Variants in KLHL3 observed in about 807,000 individuals in gnomAD.
KLHL3 encodes the protein kelch-like protein 3.
A neutral mutation model predicts 70.5 loss-of-function variants in KLHL3; 19 were observed. That is an observed-to-expected ratio of 0.27 (90% confidence interval 0.19 to 0.40). KLHL3 has a LOEUF of 0.40. Ranked by LOEUF, KLHL3 falls within the 10% of genes least tolerant of loss-of-function variation. The pLI is 1.00. For missense variants in KLHL3, 512 were observed against 771.1 expected (o/e 0.66, Z 3.98); for synonymous variants, 258 against 290.3 (o/e 0.89, Z 1.13).
intron 8 of KLHL3, among the ~76,000 whole-genome samples, chr5:137,651,238 C>G (rs1290505865): frequency 6.6e-6 from 1 of 152,202 alleles, no homozygotes; most frequent in Non-Finnish European, 1.5e-5. Context: ...ATGGAACCTA[C>G]AGTTGCGTAG....
At chr5:137,638,920 C>T (rs1561586124) in intron 10 of KLHL3, 33 bp downstream of exon 10, 3 of 1,599,198 alleles carry the variant, frequency 1.9e-6, no homozygotes, top group South Asian at 1.1e-5. Flanking sequence ...GTGTCCCAGG[C>T]TAGGAGGGGT....
At chr5:137,722,758 C>T (rs1020758518) in intron 1 of KLHL3, among the ~76,000 whole-genome samples, 16 of 152,020 alleles carry the variant, frequency 1.1e-4, no homozygotes, top group Non-Finnish European at 2.4e-4. Context: ...CCTCCGCCTC[C>T]TGGGTTCAAG....
chr5:137,670,410 C>T (rs1471693517), intron 6 of KLHL3, among the ~76,000 whole-genome samples: 1 of 151,172 alleles, frequency 6.6e-6, no homozygotes, highest in Non-Finnish European at 1.5e-5. Flanking sequence ...CTGGGACAAC[C>T]AATGAAAGGT....
At chr5:137,631,069 C>CAAAAAAAAAAAA (rs70979549) in intron 12 of KLHL3, among the ~76,000 whole-genome samples, 1 of 105,782 alleles carries the variant, frequency 9.5e-6, no homozygotes, top group Non-Finnish European at 1.9e-5. Flanking sequence ...TCCAAAAATA[C>CAAAAAAAAAAAA]AAAAAAAAAA....
intron 6 of KLHL3, among the ~76,000 whole-genome samples, chr5:137,662,455 C>A (rs1336493696): frequency 1.3e-5 from 2 of 152,136 alleles, no homozygotes; most frequent in African/African-American, 4.8e-5. Flanking sequence ...TCTCCCCATG[C>A]CCCCGTTTCC....
intron 2 of KLHL3, 124 bp downstream of exon 2, chr5:137,720,341 C>A: frequency 2.6e-6 from 3 of 1,158,268 alleles, no homozygotes; most frequent in South Asian, 1.5e-5. Context: ...ACTCAAGTGA[C>A]TAAGAATGGA....
chr5:137,630,677 CTTA>C (rs1750612028), intron 12 of KLHL3, among the ~76,000 whole-genome samples: 1 of 152,180 alleles, frequency 6.6e-6, no homozygotes, highest in African/African-American at 2.4e-5. Context: ...CGACTTGGTT[CTTA>C]GGGAACACCT....
chr5:137,637,538 C>T (rs1030044981), intron 10 of KLHL3, 143 bp from the exon 11 acceptor site: 21 of 663,778 alleles, frequency 3.2e-5, no homozygotes, highest in Middle Eastern at 2.7e-4. Flanking sequence ...CATCACCATG[C>T]GGCCTGTGGC....
intron 7 of KLHL3, 53 bp downstream of exon 7, chr5:137,661,862 T>A (rs769918330): frequency 1.1e-5 from 11 of 1,003,508 alleles, no homozygotes; most frequent in African/African-American, 4.8e-5. Context: ...CCATTGCTAT[T>A]CCTACAGGTC....
intron 2 of KLHL3, among the ~76,000 whole-genome samples, chr5:137,717,115 C>T (rs1317687151): frequency 6.6e-6 from 1 of 152,204 alleles, no homozygotes; most frequent in Non-Finnish European, 1.5e-5. Flanking sequence ...TGCCTGCCTG[C>T]CCCAGGTCCA....
intron 1 of KLHL3, among the ~76,000 whole-genome samples, chr5:137,733,642 A>T (rs1753214915): frequency 6.6e-6 from 1 of 152,266 alleles, no homozygotes; most frequent in South Asian, 2.1e-4. Flanking sequence ...TTTCCAAGAT[A>T]AAGTAGAATT....
At chr5:137,680,539 A>G (rs528716888) in intron 5 of KLHL3, among the ~76,000 whole-genome samples, 4 of 150,210 alleles carry the variant, frequency 2.7e-5, no homozygotes, top group Non-Finnish European at 4.4e-5. Flanking sequence ...GAGCAGCAAC[A>G]CTTTTTCTTT....
At chr5:137,670,971 CA>C (rs35273673) in intron 6 of KLHL3, among the ~76,000 whole-genome samples, 79,723 of 131,290 alleles carry the variant, frequency 0.61, 23,354 homozygotes, top group East Asian at 0.93. Context: ...GACTCCACCT[CA>C]AAAAAAAAAA....
intron 6 of KLHL3, chr5:137,671,841 G>A (rs899763151): frequency 1.3e-5 from 2 of 152,110 alleles, no homozygotes; most frequent in Admixed American, 6.5e-5. Flanking sequence ...GGGGGTTCTG[G>A]GGTTTGTTTC....
intron 3 of KLHL3, among the ~76,000 whole-genome samples, chr5:137,701,668 T>C (rs940588556): frequency 2.0e-4 from 30 of 152,338 alleles, no homozygotes; most frequent in African/African-American, 5.0e-4. Context: ...TCTCTTGACA[T>C]CTCATAATTC....
At chr5:137,671,544 C>T (rs1309665024) in intron 6 of KLHL3, among the ~76,000 whole-genome samples, 2 of 152,166 alleles carry the variant, frequency 1.3e-5, no homozygotes, top group East Asian at 3.9e-4. Flanking sequence ...CAGACACACA[C>T]AGCTTCACAT....
At chr5:137,631,210 A>C (rs563753751) in intron 12 of KLHL3, among the ~76,000 whole-genome samples, 1 of 152,282 alleles carries the variant, frequency 6.6e-6, no homozygotes, top group South Asian at 2.1e-4. Context: ...AGGAACCAGC[A>C]GTAAAGAGCC....
At chr5:137,638,815 A>C (rs1750833519) in intron 10 of KLHL3, 138 bp downstream of exon 10, 1 of 782,662 alleles carries the variant, frequency 1.3e-6, no homozygotes, top group South Asian at 1.8e-5. Flanking sequence ...AAGCTGGATG[A>C]GGAAGAAGAG....
At chr5:137,645,297 C>T (rs1389109844) in intron 8 of KLHL3, among the ~76,000 whole-genome samples, 1 of 152,110 alleles carries the variant, frequency 6.6e-6, no homozygotes, top group Non-Finnish European at 1.5e-5. Context: ...CAACATAGTA[C>T]TGGAAGTCCT....
Sources: allele counts gnomAD v4.1 joint callset (sites outside exome capture counted in the v4.1 genomes callset), GRCh38; gene constraint gnomAD v4.1.1; transcripts MANE v1.5; gene names NCBI Gene and HGNC (gene_info 2026-07-23, HGNC 2026-07-21).